The following TTC28 variants were observed in gnomAD, a reference collection of about 807,000 sequenced individuals.
The protein encoded by TTC28 is tetratricopeptide repeat protein 28.
In TTC28, 61 loss-of-function variants were observed where a neutral mutation model predicts 198.0. That is an observed-to-expected ratio of 0.31 (90% CI 0.25 to 0.38). The LOEUF (loss-of-function observed/expected upper bound fraction) is 0.38. Among genes scored for constraint, TTC28 ranks in the 10% least tolerant of loss-of-function variants. TTC28 has a pLI of 1.00. For synonymous variants in TTC28, 1,171 were observed against 1,297.8 expected, an observed-to-expected ratio of 0.90 and a Z score of 2.10; for missense variants, 2,678 against 3,164.0, an observed-to-expected ratio of 0.85 and a Z score of 3.69.
chr22:28,378,661 A>C lies in TTC28; in HGVS notation c.382-72018T>G, dbSNP rs549276569. On this transcript the variant is annotated intron_variant, in intron 2 of 22. Coordinates refer to ENST00000397906, the MANE Select transcript of TTC28 (RefSeq NM_001145418.2). ...TTCTGTGTCAAAAAAACAACAACAAAAAAAAAAGCAGAGAGAGAGAGAATA... is the reference window on the plus strand; with the variant it reads ...TTCTGTGTCAAAAAAACAACAACAACAAAAAAAGCAGAGAGAGAGAGAATA... 1.4e-4 allele frequency among the ~76,000 whole-genome samples: 21 copies of C among 152,230 alleles called. 1 individual carries two copies. Among genetic ancestry groups the C allele is most frequent in the South Asian group, 4.1e-4 (2 of 4,824 alleles).
In TTC28 at chr22:27,978,787, G is replaced by A. The variant is rs1221292297; in HGVS notation, c.*3434C>T. 1 of 152,220 alleles carries A rather than the reference G, an allele frequency of 6.6e-6. No homozygotes were observed. The allele number at this position is 152,220 out of a possible 1,614,324, so 9.4% of individuals were successfully genotyped here. A position where few individuals can be genotyped will look rare whatever the true frequency, so the allele number is the denominator to read the frequency against. The stretch of plus-strand genomic sequence containing the variant: ...AATTAGTTGAGTCATTTACTGGAGA[G>A]AATTAAGAAAGCTTTGACTCCCTTG... On this transcript the variant is annotated 3_prime_UTR_variant, in exon 23 of 23. Coordinates refer to ENST00000397906, the MANE Select transcript of TTC28 (RefSeq NM_001145418.2).
intron 2 of TTC28, among the ~76,000 whole-genome samples, chr22:28,586,020 C>T (rs1388245443): frequency 6.6e-6 from 1 of 151,604 alleles, no homozygotes; most frequent in African/African-American, 2.4e-5. Context: ...GTGGCTCATG[C>T]CTGTAATCCC....
chr22:28,637,548 A>C (rs1447878560), intron 1 of TTC28, among the ~76,000 whole-genome samples: 1 of 152,210 alleles, frequency 6.6e-6, no homozygotes, highest in Non-Finnish European at 1.5e-5. Context: ...AAGGAACCAA[A>C]GCATACTATA....
intron 5 of TTC28, among the ~76,000 whole-genome samples, chr22:28,282,197 G>A (rs1278651857): frequency 2.0e-5 from 3 of 152,112 alleles, no homozygotes; most frequent in African/African-American, 7.2e-5. Flanking sequence ...TTTGCCCACA[G>A]TTTATAATTG....
intron 2 of TTC28, among the ~76,000 whole-genome samples, chr22:28,569,624 A>C (rs972577979): frequency 4.6e-5 from 7 of 152,194 alleles, no homozygotes; most frequent in African/African-American, 1.4e-4. Context: ...AAACCTAGGA[A>C]ATACCATTCT....
At position 28,165,823 on chromosome 22, in the gene TTC28, T is replaced by C. The variant is rs1450493962; in HGVS notation, c.934-2224A>G. On this transcript the variant is annotated intron_variant, in intron 5 of 22. Coordinates refer to ENST00000397906, the MANE Select transcript of TTC28 (RefSeq NM_001145418.2). Reference sequence around the variant, plus strand: ...ATAATGACAGGATCAAATTCACACATAACAATATGAACCTTAAATGTAAAT... The same window carrying C: ...ATAATGACAGGATCAAATTCACACACAACAATATGAACCTTAAATGTAAAT... 5.9e-5 allele frequency among the ~76,000 whole-genome samples: 9 copies of C among 152,212 alleles called. No homozygotes were observed. The East Asian group carries it at 1.7e-3, about 29-fold the overall frequency.
chr22:28,343,749 G>A (rs778710093), intron 2 of TTC28, among the ~76,000 whole-genome samples: 3 of 152,108 alleles, frequency 2.0e-5, no homozygotes, highest in Non-Finnish European at 2.9e-5. Context: ...CATTGAGTAC[G>A]TTCTGCCTAC....
intron 2 of TTC28, among the ~76,000 whole-genome samples, chr22:28,440,696 A>C (rs1410559978): frequency 1.3e-5 from 2 of 152,176 alleles, no homozygotes; most frequent in African/African-American, 2.4e-5. Flanking sequence ...CGTTTGGTAA[A>C]ACACATGGCA....
At chr22:28,574,280 G>A (rs376377397) in intron 2 of TTC28, among the ~76,000 whole-genome samples, 3 of 152,256 alleles carry the variant, frequency 2.0e-5, no homozygotes, top group African/African-American at 7.2e-5. Context: ...CCAGGGTGCT[G>A]GGATTACAGG....
chr22:28,142,941 C>T (rs1337263198), intron 6 of TTC28, among the ~76,000 whole-genome samples: 2 of 152,168 alleles, frequency 1.3e-5, no homozygotes. Flanking sequence ...ACAACCAAGC[C>T]ATCTGTACAT....
chr22:28,338,352 C>T lies in TTC28; in HGVS notation c.382-31709G>A, dbSNP rs546630115. Among the ~76,000 whole-genome samples the T allele has an allele frequency of 1.4e-3, 215 of 152,102 alleles. 3 individuals are homozygous for T. The highest frequency in any genetic ancestry group is 4.6e-3 in the African/African-American group (189 of 41,458). Reference sequence around the variant, plus strand: ...CTCTTCTCGAGGAGTATCTTTGTGGCGTTCTCTGTATTTCCTGAATTTGAA... The same window carrying T: ...CTCTTCTCGAGGAGTATCTTTGTGGTGTTCTCTGTATTTCCTGAATTTGAA... On this transcript the variant is annotated intron_variant, in intron 2 of 22. Transcript: ENST00000397906.
chr22:28,579,444 C>T (rs987111646), intron 2 of TTC28, among the ~76,000 whole-genome samples: 8 of 147,716 alleles, frequency 5.4e-5, no homozygotes, highest in South Asian at 4.2e-4. Flanking sequence ...TGTATATATA[C>T]GTATAACTAT....
intron 2 of TTC28, among the ~76,000 whole-genome samples, chr22:28,531,386 C>T (rs1339915329): frequency 6.6e-6 from 1 of 152,180 alleles, no homozygotes; most frequent in African/African-American, 2.4e-5. Flanking sequence ...GCACTCAATA[C>T]AGGAGTACCC....
chr22:28,246,800 G>GA (rs1930135786), intron 5 of TTC28, among the ~76,000 whole-genome samples: 1 of 151,956 alleles, frequency 6.6e-6, no homozygotes, highest in Admixed American at 6.6e-5. Flanking sequence ...GGGGCCTCTT[G>GA]AAAAAATGTC....
Position 28,135,858 on chromosome 22 carries a change from T to C in TTC28, c.1441+27234A>G, listed in dbSNP as rs141053495. ...AGAAATCTTAGAAACACAGTAGATA[T>C]ATGAAATTAATACAAAAATATCCAA... On this transcript the variant is annotated intron_variant, in intron 6 of 22. Coordinates refer to ENST00000397906, the MANE Select transcript of TTC28 (RefSeq NM_001145418.2). 6.6e-5 allele frequency among the ~76,000 whole-genome samples: 10 copies of C among 152,260 alleles called. No homozygotes were observed. The South Asian group carries it at 8.3e-4, about 13-fold the overall frequency.
intron 1 of TTC28, among the ~76,000 whole-genome samples, chr22:28,670,704 C>CATATAAATATATATATATATATAT (rs2051864515): frequency 7.8e-6 from 1 of 128,554 alleles, no homozygotes; most frequent in African/African-American, 2.9e-5. Flanking sequence ...GTCTTTAGGG[C>CATATAAATATATATATATATATAT]ATATATATAT....
At chr22:28,029,213 C>G (rs1167386098) in intron 13 of TTC28, 1 of 426,138 alleles carries the variant, frequency 2.3e-6, no homozygotes, top group East Asian at 7.2e-5. Context: ...TCCTTACAAC[C>G]AGGCTGCCAG....
intron 13 of TTC28, among the ~76,000 whole-genome samples, chr22:28,015,817 C>T (rs1026001355): frequency 6.6e-6 from 1 of 151,888 alleles, no homozygotes; most frequent in African/African-American, 2.4e-5. Flanking sequence ...AAGACCATGC[C>T]GTAAACCAGA....
chr22:28,222,243 C>T (rs1316226037), intron 5 of TTC28, among the ~76,000 whole-genome samples: 4 of 152,198 alleles, frequency 2.6e-5, no homozygotes, highest in African/African-American at 9.7e-5. Flanking sequence ...TCAGACATTT[C>T]CCCTGTTGAC....
Sources: gnomAD v4.1 joint callset for allele counts (sites outside exome capture counted in the v4.1 genomes callset) on GRCh38, gnomAD v4.1.1 for gene constraint, MANE v1.5 for transcripts, NCBI Gene and HGNC (gene_info 2026-07-23, HGNC 2026-07-21) for gene names.